SNX25: variants seen among roughly 807,000 people sequenced by gnomAD.
SNX25 encodes the protein sorting nexin-25.
A neutral mutation model predicts 113.7 loss-of-function variants in SNX25; 62 were observed. The observed-to-expected ratio is 0.55, with a 90% confidence interval of 0.44 to 0.67. The LOEUF is 0.67. Among genes scored for constraint, SNX25 ranks in the 30% least tolerant of loss-of-function variants. The pLI, the probability that SNX25 is intolerant of heterozygous loss-of-function variation, is 0.00. For missense variants in SNX25, 1,014 were observed against 1,161.0 expected (o/e 0.87, Z 1.84); for synonymous variants, 421 against 436.2 (o/e 0.97, Z 0.43).
chr4:185,376,976 A>G, the SNX25 span: 3 of 1,614,056 alleles, frequency 1.9e-6, no homozygotes, highest in Non-Finnish European at 2.5e-6. Context: ...TCTTTCCTTC[A>G]AGAGCTGCAA....
intron 8 of SNX25, among the ~76,000 whole-genome samples, chr4:185,323,207 C>T (rs987478036): frequency 1.3e-5 from 2 of 152,156 alleles, no homozygotes; most frequent in Non-Finnish European, 2.9e-5. Context: ...TTAGCTAATA[C>T]ATTTTCTTCT....
At chr4:185,377,052 A>G in the SNX25 span, 6 of 1,383,652 alleles carry the variant, frequency 4.3e-6, no homozygotes, top group Non-Finnish European at 6.2e-6. Context: ...TCCATCAACC[A>G]CACAATATGA....
chr4:185,229,282 G>C (rs887529926), intron 1 of SNX25, among the ~76,000 whole-genome samples: 3 of 152,208 alleles, frequency 2.0e-5, no homozygotes, highest in African/African-American at 7.2e-5. Context: ...AGAGCTTGGA[G>C]AGAAGGGAAG....
At chr4:185,336,979 C>A (rs765977352) in intron 10 of SNX25, among the ~76,000 whole-genome samples, 14 of 152,052 alleles carry the variant, frequency 9.2e-5, no homozygotes, top group Non-Finnish European at 1.9e-4. Context: ...ATTGTCTATT[C>A]GTGTCCTTAG....
intron 10 of SNX25, 119 bp from the exon 11 acceptor site, chr4:185,339,260 C>A: frequency 2.4e-6 from 2 of 834,344 alleles, no homozygotes; most frequent in Non-Finnish European, 3.5e-6. Flanking sequence ...TTGGATTATT[C>A]ACTGTTAGTG....
chr4:185,303,503 C>T (rs111746154), intron 6 of SNX25, among the ~76,000 whole-genome samples: 393 of 151,690 alleles, frequency 2.6e-3, no homozygotes, highest in African/African-American at 8.8e-3. Flanking sequence ...ACTAAAAATA[C>T]AAAAAATTAG....
intron 1 of SNX25, among the ~76,000 whole-genome samples, chr4:185,228,458 CAA>C (rs1449753519): frequency 1.3e-5 from 2 of 152,152 alleles, no homozygotes; most frequent in Non-Finnish European, 2.9e-5. Flanking sequence ...TGGATAGTCT[CAA>C]ATATTTTGGT....
chr4:185,236,023 C>G (rs113885378), intron 1 of SNX25, among the ~76,000 whole-genome samples: 42 of 152,274 alleles, frequency 2.8e-4, no homozygotes, highest in African/African-American at 9.4e-4. Flanking sequence ...TTGTTGTCCC[C>G]CCTTGCAGGG....
chr4:185,214,782 A>T (rs182809020), intron 1 of SNX25, among the ~76,000 whole-genome samples: 1 of 152,340 alleles, frequency 6.6e-6, no homozygotes, highest in East Asian at 1.9e-4. Context: ...TTGTCTAGTT[A>T]GTTGCTGAGT....
At chr4:185,346,764 T>C in intron 13 of SNX25, 114 bp downstream of exon 13, 1 of 642,312 alleles carries the variant, frequency 1.6e-6, no homozygotes, top group South Asian at 2.3e-5. Flanking sequence ...CCATGCTAGA[T>C]GCTAAAAAAA....
chr4:185,378,108 A>C, the SNX25 span: 5 of 1,613,722 alleles, frequency 3.1e-6, no homozygotes, highest in South Asian at 5.5e-5. Flanking sequence ...CACTGGAAAA[A>C]TTTTTGGTTT....
chr4:185,282,801 A>G (rs1750804288), intron 5 of SNX25, among the ~76,000 whole-genome samples: 2 of 152,198 alleles, frequency 1.3e-5, no homozygotes, highest in Admixed American at 6.5e-5. Context: ...ACTTTTGATC[A>G]AGGGAAAGCG....
chr4:185,333,943 G>C (rs1297727923), intron 10 of SNX25, among the ~76,000 whole-genome samples: 2 of 151,336 alleles, frequency 1.3e-5, no homozygotes, highest in African/African-American at 2.4e-5. Context: ...CAGCTACTAG[G>C]TAGGCTGAGA....
chr4:185,228,792 G>A (rs2126396799), intron 1 of SNX25, among the ~76,000 whole-genome samples: 2 of 152,342 alleles, frequency 1.3e-5, no homozygotes, highest in Middle Eastern at 6.8e-3. Flanking sequence ...GGCCCTCATT[G>A]TGAACCAAGC....
downstream of SNX25, among the ~76,000 whole-genome samples, chr4:185,368,759 C>T (rs1444974132): frequency 6.6e-6 from 1 of 150,856 alleles, no homozygotes; most frequent in African/African-American, 2.4e-5. Flanking sequence ...TTTCTCCCAT[C>T]GTATGGAAAA....
intron 1 of SNX25, among the ~76,000 whole-genome samples, chr4:185,240,516 C>T (rs1360569026): frequency 5.4e-5 from 8 of 146,882 alleles, no homozygotes; most frequent in Middle Eastern, 4.0e-3. Flanking sequence ...GCTGGCTGGG[C>T]GGGGGGCTGA....
intron 16 of SNX25, among the ~76,000 whole-genome samples, chr4:185,360,808 A>G (rs1010705901): frequency 6.6e-6 from 1 of 151,858 alleles, no homozygotes; most frequent in South Asian, 2.1e-4. Context: ...AGTCCCAGAT[A>G]CTCGGGAGGC....
At chr4:185,320,574 TTAAA>T (rs59009266) in intron 7 of SNX25, among the ~76,000 whole-genome samples, 155 bp from the exon 8 acceptor site, 5,496 of 152,262 alleles carry the variant, frequency 0.036, 179 homozygotes, top group African/African-American at 0.078. Context: ...GTACATTTAC[TTAAA>T]TAAATAAATA....
intron 1 of SNX25, among the ~76,000 whole-genome samples, chr4:185,243,137 T>C (rs187888507): frequency 6.6e-6 from 1 of 152,264 alleles, no homozygotes; most frequent in East Asian, 1.9e-4. Flanking sequence ...AGAGCTAAAA[T>C]AGAAAACATT....
Sources: allele counts gnomAD v4.1 joint callset (sites outside exome capture counted in the v4.1 genomes callset), GRCh38; gene constraint gnomAD v4.1.1; transcripts MANE v1.5; gene names NCBI Gene and HGNC (gene_info 2026-07-23, HGNC 2026-07-21).